The following INPP4B variants were observed in gnomAD, a reference collection of about 807,000 sequenced individuals.
INPP4B encodes inositol polyphosphate 4-phosphatase type II.
A neutral mutation model predicts 122.5 loss-of-function variants in INPP4B; 55 were observed. That is an observed-to-expected ratio of 0.45 (90% CI 0.36 to 0.56). INPP4B has a LOEUF of 0.56. Ranked by LOEUF, INPP4B falls within the 20% of genes least tolerant of loss-of-function variation. INPP4B has a pLI of 0.00. For synonymous variants in INPP4B, 403 were observed against 388.7 expected (o/e 1.04, Z -0.43); for missense variants, 1,000 against 1,097.7 (o/e 0.91, Z 1.26).
intron 7 of INPP4B, among the ~76,000 whole-genome samples, chr4:142,315,308 C>T (rs1767116377): frequency 6.6e-6 from 1 of 152,084 alleles, no homozygotes; most frequent in South Asian, 2.1e-4. Context: ...GGATATCTTT[C>T]CCACTTGAGA....
At chr4:142,602,882 A>G (rs1291976739) in intron 2 of INPP4B, among the ~76,000 whole-genome samples, 1 of 152,212 alleles carries the variant, frequency 6.6e-6, no homozygotes, top group African/African-American at 2.4e-5. Flanking sequence ...AGGAATATAG[A>G]TCATTCTATT....
At chr4:142,526,152 A>G (rs1329605353) in intron 2 of INPP4B, among the ~76,000 whole-genome samples, 1 of 152,094 alleles carries the variant, frequency 6.6e-6, no homozygotes, top group Non-Finnish European at 1.5e-5. Flanking sequence ...ATAGTTATCA[A>G]TACATGTGTA....
chr4:142,657,253 T>C (rs1754333768), intron 2 of INPP4B, among the ~76,000 whole-genome samples: 1 of 152,342 alleles, frequency 6.6e-6, no homozygotes, highest in East Asian at 1.9e-4. Context: ...ATGACTTTAA[T>C]CTTTAAGAAA....
intron 7 of INPP4B, among the ~76,000 whole-genome samples, chr4:142,361,844 G>C (rs1785526377): frequency 6.6e-6 from 1 of 151,806 alleles, no homozygotes; most frequent in Admixed American, 6.6e-5. Context: ...AATTTTATAA[G>C]TAATTATCAA....
At chr4:142,072,618 AT>A in intron 25 of INPP4B, among the ~76,000 whole-genome samples, 1 of 151,052 alleles carries the variant, frequency 6.6e-6, no homozygotes, top group Non-Finnish European at 1.5e-5. Flanking sequence ...AAACAATGTG[AT>A]AGGAAGCTGC....
intron 25 of INPP4B, among the ~76,000 whole-genome samples, chr4:142,055,121 T>A (rs1756897544): frequency 6.6e-6 from 1 of 152,100 alleles, no homozygotes; most frequent in Non-Finnish European, 1.5e-5. Context: ...GTGGACCTAC[T>A]TTGTGCACTT....
At chr4:142,214,617 ATC>A (rs1846274444) in intron 12 of INPP4B, among the ~76,000 whole-genome samples, 1 of 152,076 alleles carries the variant, frequency 6.6e-6, no homozygotes, top group African/African-American at 2.4e-5. Context: ...CGGTGGTGTG[ATC>A]TCAGCTCACT....
chr4:142,445,051 A>G (rs1178074245), intron 3 of INPP4B, among the ~76,000 whole-genome samples: 2 of 152,096 alleles, frequency 1.3e-5, no homozygotes, highest in Non-Finnish European at 2.9e-5. Context: ...CATTAGGACA[A>G]ATAGCTAATG....
At chr4:142,426,063 C>G (rs1807994387) in intron 5 of INPP4B, among the ~76,000 whole-genome samples, 1 of 151,994 alleles carries the variant, frequency 6.6e-6, no homozygotes, top group Non-Finnish European at 1.5e-5. Context: ...GCATGCCATT[C>G]TTTCCTATGT....
At chr4:142,479,695 G>A (rs1560705370) in intron 2 of INPP4B, among the ~76,000 whole-genome samples, 1 of 152,010 alleles carries the variant, frequency 6.6e-6, no homozygotes, top group Non-Finnish European at 1.5e-5. Flanking sequence ...AATCCTAAGC[G>A]AACTAATGCA....
At chr4:142,401,981 G>A (rs938667696) in intron 7 of INPP4B, among the ~76,000 whole-genome samples, 2 of 152,134 alleles carry the variant, frequency 1.3e-5, no homozygotes, top group African/African-American at 4.8e-5. Context: ...AAGTTTTGTG[G>A]TAAAGAATGG....
At chr4:142,797,717 C>A (rs900411296) in intron 1 of INPP4B, among the ~76,000 whole-genome samples, 1 of 151,622 alleles carries the variant, frequency 6.6e-6, no homozygotes. Context: ...TCATTTTTAT[C>A]ATTAAATGTT....
intron 2 of INPP4B, among the ~76,000 whole-genome samples, chr4:142,628,817 C>T (rs182133584): frequency 5.9e-5 from 9 of 151,882 alleles, no homozygotes; most frequent in Admixed American, 1.3e-4. Context: ...AAAAGATAAA[C>T]GCAAATAAGT....
intron 9 of INPP4B, among the ~76,000 whole-genome samples, chr4:142,278,311 T>A (rs1749577579): frequency 6.6e-6 from 1 of 151,894 alleles, no homozygotes; most frequent in Non-Finnish European, 1.5e-5. Flanking sequence ...TCTCCCAACC[T>A]AGATTAGACA....
At chr4:142,580,323 G>A (rs1222207783) in intron 2 of INPP4B, among the ~76,000 whole-genome samples, 3 of 151,912 alleles carry the variant, frequency 2.0e-5, no homozygotes, top group South Asian at 4.1e-4. Context: ...AACAATGTTA[G>A]GTACTTAGTA....
At chr4:142,386,505 A>C (rs531268576) in intron 7 of INPP4B, among the ~76,000 whole-genome samples, 1 of 152,230 alleles carries the variant, frequency 6.6e-6, no homozygotes, top group South Asian at 2.1e-4. Context: ...AAGACTGAAA[A>C]CCTAACTTAG....
chr4:142,207,316 G>T (rs1842964657), intron 14 of INPP4B, among the ~76,000 whole-genome samples: 1 of 152,154 alleles, frequency 6.6e-6, no homozygotes, highest in African/African-American at 2.4e-5. Flanking sequence ...ATGTGTGAAT[G>T]TTGGACCCTA....
At chr4:142,335,598 C>T (rs1257327505) in intron 7 of INPP4B, among the ~76,000 whole-genome samples, 1 of 152,108 alleles carries the variant, frequency 6.6e-6, no homozygotes, top group Non-Finnish European at 1.5e-5. Flanking sequence ...CAGCTAGATT[C>T]TCAAATAATA....
intron 7 of INPP4B, among the ~76,000 whole-genome samples, chr4:142,318,798 C>T (rs558570661): frequency 6.6e-6 from 1 of 152,116 alleles, no homozygotes; most frequent in Admixed American, 6.5e-5. Flanking sequence ...AAAACAAAAC[C>T]AGGTAGCATA....
Sources: gnomAD v4.1 joint callset for allele counts (sites outside exome capture counted in the v4.1 genomes callset) on GRCh38, gnomAD v4.1.1 for gene constraint, MANE v1.5 for transcripts, NCBI Gene and HGNC (gene_info 2026-07-23, HGNC 2026-07-21) for gene names.